Variants in ITGB3BP observed in about 807,000 individuals in gnomAD.
The protein encoded by ITGB3BP is centromere protein R.
In ITGB3BP, 27 loss-of-function variants were observed where a neutral mutation model predicts 29.1. The ratio of observed to expected loss-of-function variants is 0.93; its 90% CI spans 0.68 to 1.28. The LOEUF is 1.28. ITGB3BP is among the 50% of genes most tolerant of loss of function. ITGB3BP has a pLI of 0.00. For synonymous variants in ITGB3BP, 61 were observed against 61.4 expected (o/e 0.99, Z 0.03); for missense variants, 192 against 200.2 (o/e 0.96, Z 0.25).
intron 1 of ITGB3BP, 105 bp from the exon 2 acceptor site, chr1:63,508,675 C>G: frequency 3.7e-6 from 2 of 538,068 alleles, no homozygotes; most frequent in South Asian, 6.2e-5. Context: ...GTTCTACCAA[C>G]CAATTTTTAT....
At chr1:63,492,440 C>T (rs1236928392) in intron 2 of ITGB3BP, among the ~76,000 whole-genome samples, 2 of 152,152 alleles carry the variant, frequency 1.3e-5, no homozygotes, top group Non-Finnish European at 2.9e-5. Flanking sequence ...AACCCTACTT[C>T]CCTAAGTTTT....
upstream of ITGB3BP, chr1:63,523,421 G>A: frequency 1.9e-6 from 1 of 518,652 alleles, no homozygotes; most frequent in South Asian, 2.1e-5. Flanking sequence ...CGATAGAGGA[G>A]CAACACAGCT....
upstream of ITGB3BP, chr1:63,525,817 C>A: frequency 8.4e-7 from 1 of 1,189,542 alleles, no homozygotes; most frequent in East Asian, 2.7e-5. Context: ...ATAAATAGGT[C>A]CGAAAGACTG....
chr1:63,523,022 C>G (rs775634568), intron 1 of ITGB3BP, 107 bp downstream of exon 1: 2 of 1,359,054 alleles, frequency 1.5e-6, no homozygotes, highest in South Asian at 2.3e-5. Context: ...GAGACAAGTT[C>G]ATACTCCGAA....
chr1:63,441,307 G>A (rs1243229863), intron 8 of ITGB3BP, among the ~76,000 whole-genome samples: 2 of 151,974 alleles, frequency 1.3e-5, no homozygotes, highest in Non-Finnish European at 2.9e-5. Context: ...GCATGGTCTC[G>A]GCTGACTGCA....
intron 1 of ITGB3BP, 31 bp downstream of exon 1, chr1:63,523,098 A>G (rs2100847619): frequency 1.2e-6 from 2 of 1,613,786 alleles, no homozygotes; most frequent in Non-Finnish European, 8.5e-7. Flanking sequence ...AGGGCCCCCA[A>G]AACAGCAATA....
intron 8 of ITGB3BP, among the ~76,000 whole-genome samples, chr1:63,441,413 T>C (rs951263666): frequency 6.6e-6 from 1 of 151,492 alleles, no homozygotes; most frequent in Non-Finnish European, 1.5e-5. Flanking sequence ...AATTTTTGTA[T>C]TTTTAGTAGA....
chr1:63,485,444 G>A (rs1207355059), intron 3 of ITGB3BP, among the ~76,000 whole-genome samples: 3 of 142,880 alleles, frequency 2.1e-5, no homozygotes, highest in Admixed American at 7.0e-5. Context: ...TTTTTCACCC[G>A]CCCTCCAATT....
At chr1:63,503,489 C>T (rs1363832691) in intron 2 of ITGB3BP, among the ~76,000 whole-genome samples, 4 of 151,870 alleles carry the variant, frequency 2.6e-5, no homozygotes, top group Admixed American at 6.6e-5. Flanking sequence ...GTAGTTTCTT[C>T]TGCTGTGCAG....
rs189486119 is a variant in ITGB3BP, at chr1:63,466,707, T to C, written c.255-11739A>G. 9.4e-4 allele frequency among the ~76,000 whole-genome samples: 143 copies of C among 152,340 alleles called. 1 individual carries two copies. Among genetic ancestry groups the C allele is most frequent in the African/African-American group, 3.2e-3 (134 of 41,584 alleles). ...CATCACTTATAGTCTTCAAATATCATTGCACTTTAACTTCCATAATTTGAC... is the reference window on the plus strand; with the variant it reads ...CATCACTTATAGTCTTCAAATATCACTGCACTTTAACTTCCATAATTTGAC... On this transcript the variant is annotated intron_variant, in intron 4 of 8. Transcript: ENST00000271002.
intron 4 of ITGB3BP, among the ~76,000 whole-genome samples, chr1:63,460,889 T>C (rs777781194): frequency 5.3e-5 from 8 of 152,120 alleles, no homozygotes; most frequent in Non-Finnish European, 7.4e-5. Context: ...TAATGACTAA[T>C]GATATTTAAT....
rs1275658151 is a variant in ITGB3BP at position 63,455,027 on chromosome 1, AT to A, written c.255-60del. ...GGGAAGCATTTAAACATGGCAAATC[AT>A]TTTCAGAGCTTTAACTCTTTTTAAA... On this transcript the variant is annotated intron_variant, in intron 4 of 8. Coordinates refer to ENST00000271002, the MANE Select transcript of ITGB3BP (RefSeq NM_014288.5). 8.4e-6 allele frequency: 7 copies of A among 832,142 alleles called. No homozygotes were observed. In the East Asian group the frequency reaches 1.7e-4, roughly 20 times the overall value. 51.5% of individuals were successfully genotyped at this position (832,142 alleles called of 1,614,324 possible). A position where few individuals can be genotyped will look rare whatever the true frequency, so the allele number is the denominator to read the frequency against.
chr1:63,443,494 A>G (rs1466455903), intron 8 of ITGB3BP, among the ~76,000 whole-genome samples: 1 of 152,224 alleles, frequency 6.6e-6, no homozygotes, highest in Admixed American at 6.5e-5. Flanking sequence ...ATAAGGCACA[A>G]TGAAGAAACT....
chr1:63,465,428 CTT>C (rs902240929), intron 4 of ITGB3BP, among the ~76,000 whole-genome samples: 1 of 145,844 alleles, frequency 6.9e-6, no homozygotes, highest in Admixed American at 6.9e-5. Context: ...GGATTTTTTT[CTT>C]TTTTTTTTTC....
intron 4 of ITGB3BP, chr1:63,458,186 C>T (rs779441615): frequency 2.0e-5 from 3 of 152,130 alleles, no homozygotes; most frequent in Middle Eastern, 3.2e-3. Flanking sequence ...CTTCCTTCTA[C>T]ATTAACTTCT....
At chr1:63,515,442 TTTG>T (rs1440217072) in intron 1 of ITGB3BP, among the ~76,000 whole-genome samples, 15 of 152,184 alleles carry the variant, frequency 9.9e-5, no homozygotes. Context: ...TCAAAATTGT[TTTG>T]GCTACTGCAA....
intron 1 of ITGB3BP, among the ~76,000 whole-genome samples, chr1:63,509,459 G>A (rs558483988): frequency 5.3e-5 from 8 of 152,076 alleles, no homozygotes; most frequent in Non-Finnish European, 1.2e-4. Flanking sequence ...AGAGCATAAA[G>A]CAAAAAGATT....
intron 2 of ITGB3BP, among the ~76,000 whole-genome samples, chr1:63,507,072 G>A (rs755157232): frequency 5.3e-5 from 8 of 152,146 alleles, no homozygotes; most frequent in Non-Finnish European, 1.0e-4. Context: ...TTAGCTCTAA[G>A]ATGTAAATAC....
chr1:63,441,264 GAGTCTCACTCTCCCCCA>G, intron 8 of ITGB3BP, among the ~76,000 whole-genome samples, 161 bp from the exon 9 acceptor site: 1 of 152,066 alleles, frequency 6.6e-6, no homozygotes, highest in Non-Finnish European at 1.5e-5. Flanking sequence ...TTTTGAGACG[GAGTCTCACTCTCCCCCA>G]GGCTGGAGTG....
Sources: gnomAD v4.1 joint callset for allele counts (sites outside exome capture counted in the v4.1 genomes callset) on GRCh38, gnomAD v4.1.1 for gene constraint, MANE v1.5 for transcripts, NCBI Gene and HGNC (gene_info 2026-07-23, HGNC 2026-07-21) for gene names.